The following MORC3 variants were observed in gnomAD, a reference collection of about 807,000 sequenced individuals.
MORC3 encodes the protein MORC family CW-type zinc finger protein 3.
Under a neutral mutation model 109.1 loss-of-function variants are expected in MORC3, and 31 were observed. That is an observed-to-expected ratio of 0.28 (90% CI 0.21 to 0.38). MORC3 has a LOEUF of 0.38. MORC3 is among the 10% of genes least tolerant of loss of function. MORC3 has a pLI of 1.00. For synonymous variants in MORC3, 395 were observed against 380.7 expected, an observed-to-expected ratio of 1.04 and a Z score of -0.44; for missense variants, 867 against 1,135.8, an observed-to-expected ratio of 0.76 and a Z score of 3.40.
chr21:36,332,411 A>G (rs1160238376), intron 1 of MORC3, among the ~76,000 whole-genome samples: 2 of 152,134 alleles, frequency 1.3e-5, no homozygotes, highest in African/African-American at 2.4e-5. Context: ...GTTACAGCCT[A>G]GGTGACAGAG....
At chr21:36,339,121 A>AAATCTC in intron 5 of MORC3, 200 bp downstream of exon 5, 3 of 568,504 alleles carry the variant, frequency 5.3e-6, no homozygotes, top group Non-Finnish European at 2.7e-6. Context: ...CATCTTGTTA[A>AAATCTC]AAAAAATTTT....
At position 36,344,956 on chromosome 21, in the gene MORC3, A is replaced by G. The variant is rs1762150169; in HGVS notation, c.930A>G (p.Lys310=). ...RITFGFNCRN[K]DHYGIMMYHR... The stretch of plus-strand genomic sequence containing the variant: ...CCTTTGGATTCAACTGCAGAAATAA[A>G]GATCATTATGGGATAATGATGTATC... Residue 310 remains lysine, a synonymous_variant, in exon 8 of 17, where the codon AAA becomes AAG. Coordinates refer to ENST00000400485, the MANE Select transcript of MORC3 (RefSeq NM_015358.3). The G allele has an allele frequency of 6.2e-7, 1 of 1,611,500 alleles. No individual in the cohort carries two copies. Among genetic ancestry groups the G allele is most frequent in the Non-Finnish European group, 8.5e-7 (1 of 1,179,040 alleles).
At position 36,375,348 on chromosome 21, in the gene MORC3, C is replaced by CT; in HGVS notation, c.*55dup. The CT allele has an allele frequency of 6.8e-7, 1 of 1,475,716 alleles. No homozygotes were observed. Among genetic ancestry groups the CT allele is most frequent in the Non-Finnish European group, 9.2e-7 (1 of 1,085,084 alleles). 91.4% of individuals were successfully genotyped at this position (1,475,716 alleles called of 1,614,324 possible). ...TTGCTCAATTCTTTTGGTTGTACAG[C>CT]TTTCAAAATATAATTAATTTTGTTT... On this transcript the variant is annotated 3_prime_UTR_variant, in exon 17 of 17. Coordinates refer to ENST00000400485, the MANE Select transcript of MORC3 (RefSeq NM_015358.3).
At position 36,337,765 on chromosome 21, in the gene MORC3, T is replaced by G; in HGVS notation, c.279T>G (p.Gly93=). The G allele has an allele frequency of 6.2e-7, 1 of 1,614,146 alleles. No homozygotes were observed. Among genetic ancestry groups the G allele is most frequent in the Non-Finnish European group, 8.5e-7 (1 of 1,179,990 alleles). The part of the protein sequence containing the change: ...FGFSDKVTMN[G]HVPVGLYGNG... ...TCAGTGACAAAGTCACCATGAATGGTCATGTCCCAGTTGGATTATATGGGA... is the reference window on the plus strand; with the variant it reads ...TCAGTGACAAAGTCACCATGAATGGGCATGTCCCAGTTGGATTATATGGGA... The change falls in exon 4 of 17, where the codon GGT becomes GGG. Residue 93 remains glycine (G), a synonymous_variant. Coordinates refer to ENST00000400485, the MANE Select transcript of MORC3 (RefSeq NM_015358.3).
chr21:36,326,260 A>C (rs1178750956), intron 1 of MORC3, among the ~76,000 whole-genome samples: 1 of 147,906 alleles, frequency 6.8e-6, no homozygotes, highest in East Asian at 2.1e-4. Context: ...TCGGTGGCTC[A>C]TGCCTGTAAT....
intron 2 of MORC3, among the ~76,000 whole-genome samples, chr21:36,335,267 G>C (rs1448275157): frequency 6.6e-6 from 1 of 151,644 alleles, no homozygotes; most frequent in African/African-American, 2.4e-5. Context: ...TCTTTATCAA[G>C]GAAGGGTTCT....
chr21:36,375,301 T>G lies in MORC3; in HGVS notation c.*5T>G, dbSNP rs1226999993. ...AGTGAAATCAGTAGTACTTAAAGTA[T>G]ATGTTATGTAAGATAAAATATTTGC... On this transcript the variant is annotated 3_prime_UTR_variant, in exon 17 of 17. Coordinates refer to ENST00000400485, the MANE Select transcript of MORC3 (RefSeq NM_015358.3). 1 of 1,601,322 alleles carries G rather than the reference T, an allele frequency of 6.2e-7. No homozygotes were observed. The highest frequency in any genetic ancestry group is 1.3e-5 in the African/African-American group (1 of 74,588).
intron 1 of MORC3, among the ~76,000 whole-genome samples, chr21:36,321,711 C>G (rs1043661194): frequency 8.5e-5 from 13 of 152,054 alleles, no homozygotes; most frequent in African/African-American, 3.1e-4. Context: ...CTCTCTTTCC[C>G]CTATCTCCTT....
At chr21:36,346,807 TCAAA>T (rs1271624023) in intron 8 of MORC3, among the ~76,000 whole-genome samples, 6 of 151,344 alleles carry the variant, frequency 4.0e-5, no homozygotes, top group Non-Finnish European at 8.8e-5. Flanking sequence ...AGGTCCTATC[TCAAA>T]CAAACAAACA....
chr21:36,345,139 A>G, intron 8 of MORC3, 108 bp downstream of exon 8: 17 of 1,190,348 alleles, frequency 1.4e-5, no homozygotes, highest in South Asian at 1.7e-5. Flanking sequence ...CCTTTTGCCT[A>G]TAGCTTTTTA....
At chr21:36,333,392 G>A (rs899840590) in intron 1 of MORC3, 14 of 491,386 alleles carry the variant, frequency 2.8e-5, no homozygotes, top group African/African-American at 2.7e-4. Flanking sequence ...GGATTGGACA[G>A]TTATGACATT....
At chr21:36,353,747 A>ATTTTTTTTTT (rs1569101617) in intron 9 of MORC3, among the ~76,000 whole-genome samples, 1 of 65,498 alleles carries the variant, frequency 1.5e-5, no homozygotes, top group African/African-American at 8.6e-5. Context: ...AGCCCGGCTA[A>ATTTTTTTTTT]TTTTTGTATT....
Position 36,368,906 on chromosome 21 carries a change from A to G in MORC3, c.1620-82A>G, listed in dbSNP as rs572470932. On this transcript the variant is annotated intron_variant, in intron 14 of 16. Coordinates refer to ENST00000400485, the MANE Select transcript of MORC3 (RefSeq NM_015358.3). ...AACAAAAAAACTGTTACAATACTGC[A>G]TTTGTTAGAATGATTACTTCAAGGT... The G allele has an allele frequency of 3.0e-5, 39 of 1,289,768 alleles. No homozygotes were observed. In the African/African-American group the frequency reaches 4.8e-4, roughly 16 times the overall value. The allele number at this position is 1,289,768 out of a possible 1,614,324, so 79.9% of individuals were successfully genotyped here.
chr21:36,353,639 G>A (rs901757186), intron 9 of MORC3, among the ~76,000 whole-genome samples: 1 of 151,404 alleles, frequency 6.6e-6, no homozygotes, highest in African/African-American at 2.4e-5. Flanking sequence ...GAGTGCAGTG[G>A]TGCAATCTCA....
chr21:36,320,515 C>T, intron 1 of MORC3: 1 of 401,962 alleles, frequency 2.5e-6, no homozygotes, highest in Non-Finnish European at 4.1e-6. Flanking sequence ...CATTGTGTTT[C>T]TGTTTTGCTT....
intron 2 of MORC3, among the ~76,000 whole-genome samples, 154 bp downstream of exon 2, chr21:36,333,872 T>G (rs959014899): frequency 6.6e-6 from 1 of 151,032 alleles, no homozygotes; most frequent in African/African-American, 2.4e-5. Flanking sequence ...AAGCTCTGCC[T>G]CCTGGGTACA....
At chr21:36,344,483 T>C (rs1194583358) in intron 6 of MORC3, 96 bp from the exon 7 acceptor site, 1 of 1,360,556 alleles carries the variant, frequency 7.3e-7, no homozygotes, top group Admixed American at 2.3e-5. Flanking sequence ...TAATTGATCT[T>C]TTATCAAGTT....
chr21:36,373,435 C>T (rs1391294942), intron 16 of MORC3, among the ~76,000 whole-genome samples: 1 of 151,966 alleles, frequency 6.6e-6, no homozygotes, highest in African/African-American at 2.4e-5. Context: ...ACCAGCCTGA[C>T]CAACATGGTG....
chr21:36,327,346 C>T (rs866456060), intron 1 of MORC3, among the ~76,000 whole-genome samples: 5 of 144,186 alleles, frequency 3.5e-5, no homozygotes, highest in African/African-American at 1.4e-4. Flanking sequence ...TTGGTAGAGA[C>T]GGGGTTTTGC....
Sources: gnomAD v4.1 joint callset for allele counts (sites outside exome capture counted in the v4.1 genomes callset) on GRCh38, gnomAD v4.1.1 for gene constraint, MANE v1.5 for transcripts, NCBI Gene and HGNC (gene_info 2026-07-23, HGNC 2026-07-21) for gene names.